MTUS2: variants seen among roughly 807,000 people sequenced by gnomAD.
MTUS2 encodes microtubule-associated tumor suppressor candidate 2.
A neutral mutation model predicts 114.1 loss-of-function variants in MTUS2; 40 were observed. That is an observed-to-expected ratio of 0.35 (90% confidence interval 0.27 to 0.46). The LOEUF (loss-of-function observed/expected upper bound fraction) is 0.46, where lower values mean the gene tolerates loss of function less well. Among genes scored for constraint, MTUS2 ranks in the 20% least tolerant of loss-of-function variants. The pLI is 1.00. For synonymous variants in MTUS2, 688 were observed against 672.0 expected (o/e 1.02, Z -0.37); for missense variants, 1,679 against 1,705.4 (o/e 0.98, Z 0.27).
chr13:28,973,380 G>A (rs1257069124), intron 2 of MTUS2, among the ~76,000 whole-genome samples: 1 of 152,164 alleles, frequency 6.6e-6, no homozygotes, highest in Non-Finnish European at 1.5e-5. Flanking sequence ...TCCATTAGAT[G>A]TTTATATATG....
chr13:29,387,847 T>G (rs1872731960), intron 8 of MTUS2, among the ~76,000 whole-genome samples: 1 of 152,104 alleles, frequency 6.6e-6, no homozygotes, highest in African/African-American at 2.4e-5. Flanking sequence ...TGATCTGAAG[T>G]CCCGTGAAAG....
chr13:29,389,333 A>ACACGTGTG (rs1872906017), intron 8 of MTUS2, among the ~76,000 whole-genome samples: 4 of 55,796 alleles, frequency 7.2e-5, no homozygotes, highest in African/African-American at 1.1e-4. Flanking sequence ...ATGTGTGTAT[A>ACACGTGTG]TATGTATGCA....
intron 8 of MTUS2, among the ~76,000 whole-genome samples, chr13:29,389,399 ATATG>A (rs1872965557): frequency 1.5e-5 from 1 of 67,982 alleles, no homozygotes; most frequent in African/African-American, 7.7e-5. Flanking sequence ...GTGTGTGTAT[ATATG>A]TATACACGTG....
intron 5 of MTUS2, among the ~76,000 whole-genome samples, chr13:29,168,059 G>A (rs1893393022): frequency 6.6e-6 from 1 of 152,034 alleles, no homozygotes; most frequent in Non-Finnish European, 1.5e-5. Flanking sequence ...TATCTTTTTT[G>A]ACACATTTAA....
At chr13:29,264,849 G>T (rs1316786802) in intron 5 of MTUS2, among the ~76,000 whole-genome samples, 1 of 152,244 alleles carries the variant, frequency 6.6e-6, no homozygotes, top group Non-Finnish European at 1.5e-5. Context: ...CCTGTGATGG[G>T]AGGGCTGCCA....
chr13:28,921,038 C>T (rs904154325), intron 2 of MTUS2, among the ~76,000 whole-genome samples: 5 of 152,230 alleles, frequency 3.3e-5, no homozygotes, highest in Non-Finnish European at 1.5e-5. Context: ...TGCTTCATTC[C>T]CTACTCCACT....
chr13:29,072,207 G>A (rs1210772189), intron 4 of MTUS2: 2 of 151,956 alleles, frequency 1.3e-5, no homozygotes, highest in Admixed American at 6.6e-5. Flanking sequence ...TTTTGATCTA[G>A]GTTTAAATAT....
chr13:28,932,283 A>G (rs934765175), intron 2 of MTUS2, among the ~76,000 whole-genome samples: 3 of 152,166 alleles, frequency 2.0e-5, no homozygotes, highest in Non-Finnish European at 2.9e-5. Context: ...TTGTTTGCTG[A>G]ATGGTGGGAA....
At chr13:28,882,555 G>A (rs1448938835) in intron 2 of MTUS2, among the ~76,000 whole-genome samples, 1 of 152,088 alleles carries the variant, frequency 6.6e-6, no homozygotes, top group Admixed American at 6.5e-5. Context: ...GGGTAACAGA[G>A]TGAGACTCTG....
chr13:29,047,971 C>T (rs7994068), intron 4 of MTUS2, among the ~76,000 whole-genome samples: 55,021 of 151,982 alleles, frequency 0.36, 10,267 homozygotes, highest in East Asian at 0.63. Context: ...AATGTTCATC[C>T]ATGAATCAGT....
At chr13:29,411,394 C>T (rs570460424) in intron 8 of MTUS2, among the ~76,000 whole-genome samples, 1 of 152,252 alleles carries the variant, frequency 6.6e-6, no homozygotes, top group Admixed American at 6.5e-5. Context: ...GTCCTTAGGT[C>T]TATTTCTGAG....
intron 7 of MTUS2, among the ~76,000 whole-genome samples, chr13:29,333,955 C>A (rs1309296489): frequency 6.6e-6 from 1 of 151,470 alleles, no homozygotes; most frequent in African/African-American, 2.4e-5. Context: ...CCTTCTTTGC[C>A]TTTTTTGATC....
intron 5 of MTUS2, among the ~76,000 whole-genome samples, chr13:29,101,193 G>A (rs987124462): frequency 3.3e-5 from 5 of 152,016 alleles, no homozygotes; most frequent in Non-Finnish European, 5.9e-5. Context: ...CACCTCTTAG[G>A]ATGTAGAAAA....
chr13:28,923,990 G>C (rs1049660035), intron 2 of MTUS2, among the ~76,000 whole-genome samples: 3 of 152,156 alleles, frequency 2.0e-5, no homozygotes, highest in African/African-American at 7.2e-5. Context: ...ACTGGGAGCA[G>C]AGTGATTCCC....
chr13:29,113,467 C>G (rs1435165257), intron 5 of MTUS2, among the ~76,000 whole-genome samples: 1 of 152,140 alleles, frequency 6.6e-6, no homozygotes, highest in African/African-American at 2.4e-5. Flanking sequence ...CAGCTGTGCC[C>G]AATCGAAATT....
At chr13:29,003,049 A>G (rs977903016) in intron 2 of MTUS2, among the ~76,000 whole-genome samples, 6 of 152,232 alleles carry the variant, frequency 3.9e-5, no homozygotes, top group African/African-American at 1.4e-4. Flanking sequence ...AAGTACAGTT[A>G]AAATAGTTCA....
intron 2 of MTUS2, among the ~76,000 whole-genome samples, chr13:28,919,333 GC>G (rs1177993170): frequency 1.3e-5 from 2 of 151,950 alleles, no homozygotes; most frequent in Non-Finnish European, 2.9e-5. Context: ...GATATTTTTT[GC>G]CAGATATACT....
intron 2 of MTUS2, among the ~76,000 whole-genome samples, chr13:28,990,511 C>G (rs1371571393): frequency 6.6e-6 from 1 of 152,090 alleles, no homozygotes; most frequent in Non-Finnish European, 1.5e-5. Context: ...AATCAGCACT[C>G]TGTAAAAATG....
At chr13:29,162,332 ATTTGT>A (rs765825381) in intron 5 of MTUS2, among the ~76,000 whole-genome samples, 11 of 152,068 alleles carry the variant, frequency 7.2e-5, no homozygotes, top group Non-Finnish European at 1.5e-4. Flanking sequence ...TATATAAGTG[ATTTGT>A]TTTGTTATTG....
Sources: allele counts gnomAD v4.1 joint callset (sites outside exome capture counted in the v4.1 genomes callset), GRCh38; gene constraint gnomAD v4.1.1; transcripts MANE v1.5; gene names NCBI Gene and HGNC (gene_info 2026-07-23, HGNC 2026-07-21).